SPART: variants seen among roughly 807,000 people sequenced by gnomAD.
The protein encoded by SPART is spastic paraplegia 20 (Troyer syndrome).
SPART carries 35 observed loss-of-function variants against 58.7 expected under a neutral mutation model. That is an observed-to-expected ratio of 0.60 (90% CI 0.46 to 0.79). The LOEUF (loss-of-function observed/expected upper bound fraction) is 0.79. Ranked by LOEUF, SPART falls within the 30% of genes least tolerant of loss-of-function variation. SPART has a pLI of 0.00. For missense variants in SPART, 730 were observed against 786.1 expected, an observed-to-expected ratio of 0.93 and a Z score of 0.85; for synonymous variants, 284 against 280.7, an observed-to-expected ratio of 1.01 and a Z score of -0.12.
Position 36,329,415 on chromosome 13 carries a change from GT to G in SPART, c.1110del (p.Lys370AsnfsTer30), listed in dbSNP as rs1060499524. ...ACATCCTTATTGCCTTGGTCCAACT[GT>G]TTCACATCAGTGCCAGAGGCTTCTT... is the stretch of plus-strand genomic sequence containing the variant. ...QLKEASGTDVKQLDQGNKDVR... is the reference protein window; with the variant it reads ...QLKEASGTDVXQLDQGNKDVR... On this transcript the variant is annotated frameshift_variant, in exon 4 of 9. Coordinates refer to ENST00000438666, the MANE Select transcript of SPART (RefSeq NM_015087.5). LOFTEE classifies it high-confidence loss of function. 3.1e-6 allele frequency: 5 copies of G among 1,613,970 alleles called. No homozygotes were observed. The highest frequency in any genetic ancestry group is 3.4e-6 in the Non-Finnish European group (4 of 1,180,004).
chr13:36,332,718 G>C (rs971750661), intron 2 of SPART, among the ~76,000 whole-genome samples: 1 of 152,118 alleles, frequency 6.6e-6, no homozygotes, highest in South Asian at 2.1e-4. Flanking sequence ...ACAGACATAA[G>C]CTCACATCCT....
At chr13:36,347,089 T>G (rs1885195065), upstream of SPART, among the ~76,000 whole-genome samples, 1 of 151,990 alleles carries the variant, frequency 6.6e-6, no homozygotes, top group African/African-American at 2.4e-5. Flanking sequence ...TCTTGACAAG[T>G]GTTTTTAAAT....
rs1195405563 is a variant in SPART at position 36,344,737 on chromosome 13, TAAA to T, written c.-3+1485_-3+1487del. The stretch of plus-strand genomic sequence containing the variant: ...GTGTCAATCAAGTGTCCTGAAAAGA[TAAA>T]AACCATTATCACATTATTTCACATT... On this transcript the variant is annotated intron_variant, in intron 1 of 8. Transcript: ENST00000438666. Among the ~76,000 whole-genome samples the T allele has an allele frequency of 3.3e-5, 5 of 152,272 alleles. No individual in the cohort carries two copies. In the East Asian group the frequency reaches 7.7e-4, roughly 24 times the overall value.
chr13:36,308,544 T>C (rs1216042418), intron 8 of SPART: 1 of 152,138 alleles, frequency 6.6e-6, no homozygotes, highest in East Asian at 1.9e-4. Flanking sequence ...TAAGTTCTCA[T>C]TAAGGACCAG....
At chr13:36,358,215 G>A (rs1325565043) in intron 1 of SPART, among the ~76,000 whole-genome samples, 3 of 152,080 alleles carry the variant, frequency 2.0e-5, no homozygotes, top group African/African-American at 7.2e-5. Context: ...ATTCTTCCCA[G>A]AAACTCTTGT....
At chr13:36,343,016 G>A (rs369280853) in intron 1 of SPART, among the ~76,000 whole-genome samples, 2 of 152,174 alleles carry the variant, frequency 1.3e-5, no homozygotes, top group East Asian at 1.9e-4. Context: ...ACAATAAGTC[G>A]AAGGGCTCAA....
At position 36,302,169 on chromosome 13, in the gene SPART, T is replaced by G. The variant is rs954690669; in HGVS notation, c.*2196A>C. ...CATATAGGTAATTGGCAGCTTTCCA[T>G]GTCTTTAGGTGTGATGAGTTTTTAA... On this transcript the variant is annotated 3_prime_UTR_variant, in exon 9 of 9. Transcript: ENST00000438666. 3 of 152,206 alleles carry G rather than the reference T, an allele frequency of 2.0e-5. No homozygotes were observed. The highest frequency in any genetic ancestry group is 2.0e-4 in the Admixed American group (3 of 15,274). 9.4% of individuals were successfully genotyped at this position (152,206 alleles called of 1,614,324 possible).
chr13:36,336,898 G>T (rs953852399), intron 1 of SPART, among the ~76,000 whole-genome samples: 2 of 152,120 alleles, frequency 1.3e-5, no homozygotes, highest in Admixed American at 6.5e-5. Flanking sequence ...AAATACAAAA[G>T]ACTTCATATT....
chr13:36,364,685 C>T (rs1744730659), intron 1 of SPART, among the ~76,000 whole-genome samples: 1 of 152,140 alleles, frequency 6.6e-6, no homozygotes, highest in African/African-American at 2.4e-5. Flanking sequence ...AAGTGAGGGG[C>T]CCTGAAAATT....
In SPART at chr13:36,355,026, A is replaced by G. The variant is rs1057011627; in HGVS notation, c.-3+15063T>C. On this transcript the variant is annotated intron_variant, in intron 1 of 8. Coordinates refer to the SPART transcript ENST00000355182. ...AAGTAAGTCTGCTCTTTAGGATTGT[A>G]TTGATTCATTCATTCATTCAAACAA... 3.9e-5 allele frequency among the ~76,000 whole-genome samples: 6 copies of G among 152,346 alleles called. No individual in the cohort carries two copies. The South Asian group carries it at 1.0e-3, about 26-fold the overall frequency.
chr13:36,339,819 C>A (rs1318557698), intron 1 of SPART, among the ~76,000 whole-genome samples: 1 of 152,060 alleles, frequency 6.6e-6, no homozygotes, highest in Non-Finnish European at 1.5e-5. Flanking sequence ...GTAATCCCAG[C>A]ACTTTAGGAG....
intron 5 of SPART, among the ~76,000 whole-genome samples, chr13:36,325,502 A>G (rs1882843981): frequency 6.6e-6 from 1 of 152,128 alleles, no homozygotes; most frequent in South Asian, 2.1e-4. Flanking sequence ...GTGGACATGG[A>G]AATCTGAATT....
At chr13:36,369,783 A>G (rs1452303851) in intron 1 of SPART, among the ~76,000 whole-genome samples, 1 of 152,216 alleles carries the variant, frequency 6.6e-6, no homozygotes, top group Admixed American at 6.5e-5. Flanking sequence ...CCAAATATTT[A>G]TAGAGACTTC....
rs17854413 is a variant in SPART at position 36,335,626 on chromosome 13, G to C, written c.205C>G (p.Pro69Ala). 1 of 1,613,992 alleles carries C rather than the reference G, an allele frequency of 6.2e-7. No homozygotes were observed. Among genetic ancestry groups the C allele is most frequent in the South Asian group, 1.1e-5 (1 of 91,048 alleles). Residue 69 changes from proline (P) to alanine (A), a missense_variant, in exon 2 of 9, where the codon CCT (proline) becomes GCT (alanine). Physicochemically the swap from Pro to Ala is conservative, Grantham distance 27. Transcript: ENST00000438666. ...ISSKESEHTG[P>A]GWESARQMQQ... is the part of the protein sequence containing the mutation. ...ATCTGTCTAGCAGATTCCCACCCAG[G>C]ACCTGTGTGTTCAGACTCTTTTGAT...
intron 1 of SPART, among the ~76,000 whole-genome samples, chr13:36,343,649 G>A (rs1282829082): frequency 6.6e-6 from 1 of 152,074 alleles, no homozygotes; most frequent in Non-Finnish European, 1.5e-5. Flanking sequence ...ATAATATATA[G>A]CAAAGATATA....
chr13:36,312,040 T>G, intron 8 of SPART, 105 bp downstream of exon 8: 1 of 1,026,532 alleles, frequency 9.7e-7, no homozygotes, highest in East Asian at 2.6e-5. Context: ...TGACCTAAGA[T>G]CGCGCCATTG....
chr13:36,323,161 T>C (rs1321340225), intron 5 of SPART, among the ~76,000 whole-genome samples: 1 of 152,188 alleles, frequency 6.6e-6, no homozygotes, highest in African/African-American at 2.4e-5. Context: ...TGTCAACTGT[T>C]TGCCTAGCAT....
intron 5 of SPART, among the ~76,000 whole-genome samples, chr13:36,319,549 A>T (rs924977349): frequency 2.0e-5 from 3 of 151,896 alleles, no homozygotes; most frequent in Non-Finnish European, 4.4e-5. Flanking sequence ...ACCTGTCCTG[A>T]AACCAGACAA....
intron 6 of SPART, 29 bp downstream of exon 6, chr13:36,314,198 A>G: frequency 3.1e-6 from 5 of 1,598,434 alleles, no homozygotes; most frequent in Non-Finnish European, 4.3e-6. Flanking sequence ...TATAACTTTA[A>G]AAAGTAAAGT....
Sources: allele counts gnomAD v4.1 joint callset (sites outside exome capture counted in the v4.1 genomes callset), GRCh38; gene constraint gnomAD v4.1.1; transcripts MANE v1.5; gene names NCBI Gene and HGNC (gene_info 2026-07-23, HGNC 2026-07-21).